RNF141: variants seen among roughly 807,000 people sequenced by gnomAD.
RNF141 encodes C3HC4-like zinc finger protein.
A neutral mutation model predicts 27.4 loss-of-function variants in RNF141; 18 were observed. The observed-to-expected ratio is 0.66, with a 90% confidence interval of 0.45 to 0.97. The LOEUF is 0.97. Among genes scored for constraint, RNF141 ranks in the 50% least tolerant of loss-of-function variants. The pLI, the probability that RNF141 is intolerant of heterozygous loss-of-function variation, is 0.00. For missense variants in RNF141, 230 were observed against 279.4 expected, an observed-to-expected ratio of 0.82 and a Z score of 1.26; for synonymous variants, 97 against 96.6, an observed-to-expected ratio of 1.00 and a Z score of -0.02.
At chr11:10,521,915 C>A (rs1216237027) in intron 4 of RNF141, among the ~76,000 whole-genome samples, 4 of 152,212 alleles carry the variant, frequency 2.6e-5, no homozygotes, top group East Asian at 3.9e-4. Flanking sequence ...TGAACGTGTC[C>A]TGACAAGCAA....
rs1849825811 is a variant in RNF141 at position 10,514,308 on chromosome 11, ACCTT to A, written c.*604_*607del. On this transcript the variant is annotated 3_prime_UTR_variant, in exon 6 of 6. Transcript: ENST00000265981. ...CAGTATGGCAAAAACAAACAAACAA[ACCTT>A]TAAGTACAGTAGTTCCAAAACACAC... The A allele has an allele frequency of 6.6e-6, 1 of 152,328 alleles. No individual in the cohort carries two copies. Among genetic ancestry groups the A allele is most frequent in the Non-Finnish European group, 1.5e-5 (1 of 68,028 alleles). The allele number at this position is 152,328 out of a possible 1,614,324, so 9.4% of individuals were successfully genotyped here.
chr11:10,530,610 A>C (rs772657457), intron 3 of RNF141, 33 bp downstream of exon 3: 2 of 1,246,370 alleles, frequency 1.6e-6, no homozygotes, highest in Admixed American at 4.0e-5. Flanking sequence ...AAAATAGCTT[A>C]AGCTCAGAGG....
intron 4 of RNF141, among the ~76,000 whole-genome samples, chr11:10,522,618 A>G (rs1363953305): frequency 6.6e-6 from 1 of 152,234 alleles, no homozygotes; most frequent in African/African-American, 2.4e-5. Context: ...TGAGAACAGA[A>G]GGTTCAGTGA....
chr11:10,534,365 C>T (rs545284483), intron 1 of RNF141, among the ~76,000 whole-genome samples, 160 bp from the exon 2 acceptor site: 22 of 152,204 alleles, frequency 1.4e-4, no homozygotes, highest in African/African-American at 5.3e-4. Context: ...TTTTCAGATT[C>T]ACATAGCTAA....
chr11:10,536,981 A>G (rs958706528), intron 1 of RNF141, among the ~76,000 whole-genome samples: 1 of 151,782 alleles, frequency 6.6e-6, no homozygotes, highest in Non-Finnish European at 1.5e-5. Flanking sequence ...ATGGGCATAG[A>G]AAAAAAAAGA....
At position 10,536,421 on chromosome 11, in the gene RNF141, T is replaced by C. The variant is rs559641192; in HGVS notation, c.-47-2216A>G. Among the ~76,000 whole-genome samples the C allele has an allele frequency of 2.6e-5, 4 of 152,248 alleles. No individual in the cohort carries two copies. In the East Asian group the frequency reaches 5.8e-4, roughly 22 times the overall value. On this transcript the variant is annotated intron_variant, in intron 1 of 5. Transcript: ENST00000265981. ...ATTTTTGTTGATGACCTGAAGACTGTATGCCTGCCCAATCTGCGGATGACC... is the reference window on the plus strand; with the variant it reads ...ATTTTTGTTGATGACCTGAAGACTGCATGCCTGCCCAATCTGCGGATGACC...
At chr11:10,518,966 T>A in intron 5 of RNF141, 68 bp downstream of exon 5, 1 of 1,237,696 alleles carries the variant, frequency 8.1e-7, no homozygotes, top group Non-Finnish European at 1.2e-6. Context: ...TTTGCACTTT[T>A]CAAAGTTTAT....
chr11:10,527,635 T>C, intron 3 of RNF141, among the ~76,000 whole-genome samples: 1 of 107,712 alleles, frequency 9.3e-6, no homozygotes, highest in East Asian at 3.4e-4. Context: ...TCCAAGTGCA[T>C]GAGAAGTCAC....
At chr11:10,532,367 C>A (rs1459499925) in intron 2 of RNF141, among the ~76,000 whole-genome samples, 3 of 151,744 alleles carry the variant, frequency 2.0e-5, no homozygotes, top group Admixed American at 2.0e-4. Flanking sequence ...TTTTTAAAAC[C>A]AATGACTATA....
At chr11:10,523,253 A>C (rs915506656) in intron 4 of RNF141, among the ~76,000 whole-genome samples, 1 of 152,222 alleles carries the variant, frequency 6.6e-6, no homozygotes, top group African/African-American at 2.4e-5. Context: ...AATTTTCAGA[A>C]GCTCTGTGTG....
At chr11:10,528,749 A>AT (rs1207385409) in intron 3 of RNF141, among the ~76,000 whole-genome samples, 3 of 152,048 alleles carry the variant, frequency 2.0e-5, no homozygotes, top group Admixed American at 6.6e-5. Flanking sequence ...ATTTCAACAG[A>AT]TTTTTTTTGT....
Position 10,530,612 on chromosome 11 carries a change from G to A in RNF141, c.252+31C>T, listed in dbSNP as rs747384409. The A allele has an allele frequency of 6.3e-6, 8 of 1,268,866 alleles. No homozygotes were observed. The South Asian group carries it at 7.9e-5, about 13-fold the overall frequency. 78.6% of individuals were successfully genotyped at this position (1,268,866 alleles called of 1,614,324 possible). A position where few individuals can be genotyped will look rare whatever the true frequency, so the allele number is the denominator to read the frequency against. On this transcript the variant is annotated intron_variant, in intron 3 of 5. Transcript: ENST00000265981. ...AGTTCTAGCCACCAAAATAGCTTAA[G>A]CTCAGAGGTAGAAGTCTCCATCAGT...
chr11:10,525,478 G>T, intron 3 of RNF141, 105 bp from the exon 4 acceptor site: 1 of 818,284 alleles, frequency 1.2e-6, no homozygotes, highest in Non-Finnish European at 1.9e-6. Flanking sequence ...GGAAATAGGA[G>T]TTTTCAGGAT....
chr11:10,530,754 G>C lies in RNF141; in HGVS notation c.144-3C>G. On this transcript the variant is annotated splice_region_variant and splice_polypyrimidine_tract_variant and intron_variant, in intron 2 of 5. Coordinates refer to ENST00000265981, the MANE Select transcript of RNF141 (RefSeq NM_016422.4). Reference sequence around the variant, plus strand: ...GGCCAGAAGCCACTTTAGCCGTTCTGAAAAGAGACAAGAACATGTTAATTT... The same window carrying C: ...GGCCAGAAGCCACTTTAGCCGTTCTCAAAAGAGACAAGAACATGTTAATTT... The C allele has an allele frequency of 6.4e-7, 1 of 1,573,082 alleles. No individual in the cohort carries two copies. Among genetic ancestry groups the C allele is most frequent in the Non-Finnish European group, 8.7e-7 (1 of 1,149,856 alleles).
rs1330301830 is a variant in RNF141, at chr11:10,539,687, C to CATATATATATATATAT, written c.-48+1434_-48+1435insATATATATATATATAT. Among the ~76,000 whole-genome samples, 28 of 50,882 alleles carry CATATATATATATATAT rather than the reference C, an allele frequency of 5.5e-4. 3 individuals carry two copies. Among genetic ancestry groups the CATATATATATATATAT allele is most frequent in the South Asian group, 1.1e-3 (2 of 1,808 alleles). The allele number at this position is 50,882 out of a possible 152,430, so 33.4% of individuals were successfully genotyped here. A position where few individuals can be genotyped will look rare whatever the true frequency, so the allele number is the denominator to read the frequency against. ...CAAAGATCTTGATCAGAAAAAGATA[C>CATATATATATATATAT]ATACATATATATTAGAGAGAGAAGG... On this transcript the variant is annotated intron_variant, in intron 1 of 5. Coordinates refer to ENST00000265981, the MANE Select transcript of RNF141 (RefSeq NM_016422.4).
chr11:10,512,897 TAAG>T lies in RNF141; in HGVS notation c.*2016_*2018del, dbSNP rs948849679. On this transcript the variant is annotated 3_prime_UTR_variant, in exon 6 of 6. Coordinates refer to ENST00000265981, the MANE Select transcript of RNF141 (RefSeq NM_016422.4). ...TTTATAGTATATAAAGTTTATATAA[TAAG>T]GAAATTTATAATAATATGACTTTTA... 5 of 152,204 alleles carry T rather than the reference TAAG, an allele frequency of 3.3e-5. No homozygotes were observed. The highest frequency in any genetic ancestry group is 1.5e-5 in the Non-Finnish European group (1 of 68,038). 9.4% of individuals were successfully genotyped at this position (152,204 alleles called of 1,614,324 possible).
rs189854253 is a variant in RNF141, at chr11:10,526,041, A to G, written c.253-668T>C. Reference sequence around the variant, plus strand: ...GCAAGCAGAGGAGATTGCTTTCACAAGCTTTGGGGAGCCATGGAGTGAGGC... The same window carrying G: ...GCAAGCAGAGGAGATTGCTTTCACAGGCTTTGGGGAGCCATGGAGTGAGGC... On this transcript the variant is annotated intron_variant, in intron 3 of 5. Coordinates refer to ENST00000265981, the MANE Select transcript of RNF141 (RefSeq NM_016422.4). 1.5e-3 allele frequency among the ~76,000 whole-genome samples: 224 copies of G among 152,252 alleles called. 2 individuals carry two copies. Among genetic ancestry groups the G allele is most frequent in the African/African-American group, 5.2e-3 (217 of 41,522 alleles).
intron 2 of RNF141, chr11:10,531,717 A>G: frequency 5.2e-6 from 1 of 192,110 alleles, no homozygotes; most frequent in Non-Finnish European, 1.1e-5. Flanking sequence ...ATGCTTAAGT[A>G]TTGCAGTTCC....
chr11:10,520,154 T>A (rs7951653), intron 4 of RNF141, among the ~76,000 whole-genome samples: 69,646 of 152,038 alleles, frequency 0.46, 17,197 homozygotes, highest in East Asian at 0.67. Context: ...CACTGTACAT[T>A]TAGGCTATAC....
Sources: allele counts gnomAD v4.1 joint callset (sites outside exome capture counted in the v4.1 genomes callset), GRCh38; gene constraint gnomAD v4.1.1; transcripts MANE v1.5; gene names NCBI Gene and HGNC (gene_info 2026-07-23, HGNC 2026-07-21).